IP6K3: variants seen among roughly 807,000 people sequenced by gnomAD.
IP6K3 encodes inositol hexakisphosphate kinase 3.
In IP6K3, 20 loss-of-function variants were observed where a neutral mutation model predicts 28.8. That is an observed-to-expected ratio of 0.70 (90% CI 0.49 to 1.01). IP6K3 has a LOEUF of 1.01. Among genes scored for constraint, IP6K3 ranks in the 50% least tolerant of loss-of-function variants. The pLI is 0.00. For missense variants in IP6K3, 480 were observed against 537.1 expected (o/e 0.89, Z 1.05); for synonymous variants, 213 against 221.3 (o/e 0.96, Z 0.33).
rs936040545 is a variant in IP6K3 at position 33,742,492 on chromosome 6, C to T, written c.-180+4266G>A. Among the ~76,000 whole-genome samples the T allele has an allele frequency of 1.3e-5, 2 of 152,266 alleles. No individual in the cohort carries two copies. Among genetic ancestry groups the T allele is most frequent in the African/African-American group, 2.4e-5 (1 of 41,544 alleles). ...CATGCTGCTGGTGGGCAGTGTCTAA[C>T]GAAGTGCTTGGCAGCGTGGATTCTT... is the stretch of plus-strand genomic sequence containing the variant. On this transcript the variant is annotated intron_variant, in intron 1 of 5. Transcript: ENST00000293756. This position sits in a 1 kb window ranked among gnomAD's most constrained non-coding sequence, Gnocchi z 4.5.
chr6:33,741,645 CAA>C (rs11403411), intron 1 of IP6K3, among the ~76,000 whole-genome samples: 16 of 29,382 alleles, frequency 5.4e-4, no homozygotes, highest in Non-Finnish European at 6.1e-4. Context: ...GACTCCATCT[CAA>C]AAAAAAAAAA....
Position 33,746,505 on chromosome 6 carries a change from A to G in IP6K3, c.-180+253T>C. On this transcript the variant is annotated intron_variant, in intron 1 of 5. Coordinates refer to ENST00000293756, the MANE Select transcript of IP6K3 (RefSeq NM_054111.5). The surrounding 1 kb of genome is among the most constrained non-coding windows in gnomAD (Gnocchi z 6.5). ...TCCCCTGGGAGAAGGGAGAGGGATG[A>G]AAGAGGAACAGATGCCAGAATTCCT... 1 of 152,450 alleles carries G rather than the reference A, an allele frequency of 6.6e-6. No homozygotes were observed. The highest frequency in any genetic ancestry group is 1.5e-5 in the Non-Finnish European group (1 of 68,180). The allele number at this position is 152,450 out of a possible 1,614,324, so 9.4% of individuals were successfully genotyped here. A position where few individuals can be genotyped will look rare whatever the true frequency, so the allele number is the denominator to read the frequency against.
In IP6K3 at chr6:33,723,201, G is replaced by T. The variant is rs1765978146; in HGVS notation, c.766-14C>A. ...TGTTTGATAAACCTTACATTAAAAA[G>T]AATAAAGAAAATGTGAAGATTGGAA... On this transcript the variant is annotated splice_polypyrimidine_tract_variant and intron_variant, in intron 5 of 5. Transcript: ENST00000293756. 1 of 1,505,236 alleles carries T rather than the reference G, an allele frequency of 6.6e-7. No homozygotes were observed. Among genetic ancestry groups the T allele is most frequent in the Non-Finnish European group, 9.0e-7 (1 of 1,115,042 alleles). The allele number at this position is 1,505,236 out of a possible 1,614,324, so 93.2% of individuals were successfully genotyped here. A position where few individuals can be genotyped will look rare whatever the true frequency, so the allele number is the denominator to read the frequency against.
rs1582230017 is a variant in IP6K3, at chr6:33,744,531, T to C, written c.-180+2227A>G. On this transcript the variant is annotated intron_variant, in intron 1 of 5. Transcript: ENST00000293756. The surrounding 1 kb of genome is among the most constrained non-coding windows in gnomAD (Gnocchi z 4.4). ...GAATGCTTGTGCGTGTGTGGGAGTG[T>C]GTGGCTGAGGGAGAATGCAGGCAAG... Among the ~76,000 whole-genome samples, 1 of 152,094 alleles carries C rather than the reference T, an allele frequency of 6.6e-6. No individual in the cohort carries two copies. Among genetic ancestry groups the C allele is most frequent in the African/African-American group, 2.4e-5 (1 of 41,388 alleles).
rs1027306710 is a variant in IP6K3 at position 33,735,436 on chromosome 6, G to C, written c.41C>G (p.Ala14Gly). ...CAGGAAGGGCTCCAGCTGCACGCCT[G>C]CCCTCATGTCCCCGGCGTCTGCGCT... ...QNSADAGDMR[A>G]GVQLEPFLHQ... The change falls in exon 2 of 6, where the codon GCA becomes GGA. Residue 14 changes from alanine (A) to glycine (G), a missense_variant. By Grantham distance (60) the Ala-to-Gly change is moderately conservative. Coordinates refer to ENST00000293756, the MANE Select transcript of IP6K3 (RefSeq NM_054111.5). 27 of 1,610,942 alleles carry C rather than the reference G, an allele frequency of 1.7e-5. No individual in the cohort carries two copies. Among genetic ancestry groups the C allele is most frequent in the Non-Finnish European group, 2.2e-5 (26 of 1,179,302 alleles).
chr6:33,731,977 C>G (rs1766337395), intron 2 of IP6K3, among the ~76,000 whole-genome samples: 2 of 152,206 alleles, frequency 1.3e-5, no homozygotes, highest in Admixed American at 1.3e-4. Flanking sequence ...CTGGCATGCC[C>G]AGAGCATCTC....
In IP6K3 at chr6:33,742,814, A is replaced by G. The variant is rs1226222646; in HGVS notation, c.-180+3944T>C. The stretch of plus-strand genomic sequence containing the variant: ...ACAAATGGGTCCTGGAGAAGAGGTT[A>G]GGAGAGGTACTGCTCCTGGCTGAGA... On this transcript the variant is annotated intron_variant, in intron 1 of 5. Coordinates refer to ENST00000293756, the MANE Select transcript of IP6K3 (RefSeq NM_054111.5). The surrounding 1 kb of genome is among the most constrained non-coding windows in gnomAD (Gnocchi z 4.5). Among the ~76,000 whole-genome samples, 2 of 152,122 alleles carry G rather than the reference A, an allele frequency of 1.3e-5. No homozygotes were observed. The highest frequency in any genetic ancestry group is 4.8e-5 in the African/African-American group (2 of 41,404).
At chr6:33,728,605 T>C (rs1766209087) in intron 2 of IP6K3, among the ~76,000 whole-genome samples, 1 of 152,222 alleles carries the variant, frequency 6.6e-6, no homozygotes, top group African/African-American at 2.4e-5. Flanking sequence ...ATTTTGTCCT[T>C]GCGTTCCAGT....
chr6:33,725,491 A>G lies in IP6K3; in HGVS notation c.715T>C (p.Cys239Arg), dbSNP rs745868714. The change falls in exon 5 of 6, where the codon TGT (cysteine) becomes CGT (arginine). Residue 239 changes from cysteine to arginine, a missense_variant. Physicochemically the swap from Cys to Arg is radical, Grantham distance 180. Transcript: ENST00000293756. ...EEKKARHMRK[C>R]AQSTSACLGV... is the part of the protein sequence containing the mutation. ...AGGCAGGCTGAGGTGCTCTGCGCAC[A>G]CTTCCTCATGTGGCGGGCCTTCTTC... 11 of 1,613,782 alleles carry G rather than the reference A, an allele frequency of 6.8e-6. No individual in the cohort carries two copies. In the South Asian group the frequency reaches 1.1e-4, roughly 16 times the overall value.
In IP6K3 at chr6:33,725,506, G is replaced by A. The variant is rs766484928; in HGVS notation, c.700C>T (p.Arg234Cys). Residue 234 changes from arginine (R) to cysteine (C), a missense_variant, in exon 5 of 6, where the codon CGC becomes TGC. Arg to Cys is a radical substitution (Grantham distance 180, BLOSUM62 -3). Transcript: ENST00000293756. ...GDDASEEKKA[R>C]HMRKCAQSTS... ...CTCTGCGCACACTTCCTCATGTGGC[G>A]GGCCTTCTTCTCCTCCGATGCATCA... 5.0e-6 allele frequency: 8 copies of A among 1,613,906 alleles called. No individual in the cohort carries two copies. Among genetic ancestry groups the A allele is most frequent in the East Asian group, 2.2e-5 (1 of 44,884 alleles).
the IP6K3 span, among the ~76,000 whole-genome samples, chr6:33,755,376 G>GT: frequency 6.6e-6 from 1 of 152,250 alleles, no homozygotes; most frequent in Non-Finnish European, 1.5e-5. Context: ...GACTGGGGCA[G>GT]TGACAGTGTC....
intron 5 of IP6K3, among the ~76,000 whole-genome samples, chr6:33,723,998 G>C (rs889905085): frequency 6.6e-6 from 1 of 152,362 alleles, no homozygotes; most frequent in Admixed American, 6.5e-5. Flanking sequence ...CATGGCCGGG[G>C]GGGGGTGGCA....
intron 5 of IP6K3, 132 bp from the exon 6 acceptor site, chr6:33,723,319 A>G: frequency 1.6e-6 from 1 of 617,068 alleles, no homozygotes; most frequent in East Asian, 2.8e-5. Flanking sequence ...AGAGTGACTG[A>G]AATGAGCAGA....
At chr6:33,755,735 G>A in the IP6K3 span, among the ~76,000 whole-genome samples, 1 of 152,236 alleles carries the variant, frequency 6.6e-6, no homozygotes, top group African/African-American at 2.4e-5. Flanking sequence ...TACTCATTCC[G>A]CACGCATGGC....
At chr6:33,743,871 T>C (rs771383837) in intron 1 of IP6K3, among the ~76,000 whole-genome samples, 10 of 152,100 alleles carry the variant, frequency 6.6e-5, no homozygotes, top group Non-Finnish European at 1.3e-4. Context: ...TTTTCTTTTT[T>C]TTTTCTTAAC....
intron 2 of IP6K3, among the ~76,000 whole-genome samples, chr6:33,729,644 G>A (rs368629602): frequency 6.6e-6 from 1 of 152,070 alleles, no homozygotes; most frequent in Non-Finnish European, 1.5e-5. Flanking sequence ...TGGTCCCTGG[G>A]TCCCCCCAGT....
chr6:33,754,637 C>A, the IP6K3 span, among the ~76,000 whole-genome samples: 1 of 152,120 alleles, frequency 6.6e-6, no homozygotes, highest in Non-Finnish European at 1.5e-5. Flanking sequence ...TGCACCTGGG[C>A]AGGTTGGTGG....
At chr6:33,735,096 C>T (rs886123779) in intron 2 of IP6K3, among the ~76,000 whole-genome samples, 182 bp downstream of exon 2, 20 of 152,196 alleles carry the variant, frequency 1.3e-4, no homozygotes, top group Admixed American at 9.2e-4. Context: ...ACACTCCAGA[C>T]CTGGAGGCTT....
chr6:33,741,618 C>G (rs1467286630), intron 1 of IP6K3, among the ~76,000 whole-genome samples: 1 of 113,764 alleles, frequency 8.8e-6, no homozygotes, highest in Non-Finnish European at 1.6e-5. Flanking sequence ...TGCACTCCAG[C>G]TTGGGCAACA....
Sources: gnomAD v4.1 joint callset for allele counts (sites outside exome capture counted in the v4.1 genomes callset) on GRCh38, gnomAD v4.1.1 for gene constraint, Gnocchi (gnomAD v3.1) non-coding constraint, MANE v1.5 for transcripts, NCBI Gene and HGNC (gene_info 2026-07-23, HGNC 2026-07-21) for gene names.